The following MIPEP variants were observed in gnomAD, a reference collection of about 807,000 sequenced individuals.
The protein encoded by MIPEP is mitochondrial intermediate peptidase.
In MIPEP, 79 loss-of-function variants were observed where a neutral mutation model predicts 90.3. The observed-to-expected ratio is 0.87, with a 90% confidence interval of 0.73 to 1.05. The LOEUF (loss-of-function observed/expected upper bound fraction) is 1.05, where lower values mean the gene tolerates loss of function less well. Among genes scored for constraint, MIPEP ranks in the 50% least tolerant of loss-of-function variants. The pLI is 0.00. For missense variants in MIPEP, 940 were observed against 905.6 expected (o/e 1.04, Z -0.49); for synonymous variants, 334 against 315.8 (o/e 1.06, Z -0.61).
At chr13:23,847,536 A>G (rs1869601565) in intron 10 of MIPEP, among the ~76,000 whole-genome samples, 1 of 152,006 alleles carries the variant, frequency 6.6e-6, no homozygotes, top group Non-Finnish European at 1.5e-5. Context: ...AAATTACTGA[A>G]TTTCATGCTG....
intron 16 of MIPEP, among the ~76,000 whole-genome samples, chr13:23,798,580 C>T (rs1470570295): frequency 6.6e-6 from 1 of 152,154 alleles, no homozygotes; most frequent in Non-Finnish European, 1.5e-5. Flanking sequence ...AAATTGTAAT[C>T]CACAACATTG....
intron 18 of MIPEP, among the ~76,000 whole-genome samples, chr13:23,739,850 A>G (rs1593125918): frequency 6.6e-6 from 1 of 152,348 alleles, no homozygotes; most frequent in African/African-American, 2.4e-5. Context: ...TGTGTACTGG[A>G]GACAGCAGGC....
At chr13:23,836,188 A>C (rs894648345) in intron 14 of MIPEP, 52 bp downstream of exon 14, 18 of 1,190,974 alleles carry the variant, frequency 1.5e-5, no homozygotes, top group Admixed American at 7.2e-5. Flanking sequence ...GGATGTCATA[A>C]ACGCCAACTA....
At chr13:23,791,083 T>C (rs1461574767) in intron 16 of MIPEP, among the ~76,000 whole-genome samples, 3 of 152,166 alleles carry the variant, frequency 2.0e-5, no homozygotes, top group African/African-American at 7.2e-5. Context: ...CTTCCAAATG[T>C]TCACCAGGCC....
intron 10 of MIPEP, among the ~76,000 whole-genome samples, chr13:23,856,262 G>T (rs1187798772): frequency 6.6e-6 from 1 of 152,222 alleles, no homozygotes; most frequent in Non-Finnish European, 1.5e-5. Flanking sequence ...AAACCAGGGA[G>T]GCAATGGGAA....
At chr13:23,875,372 C>A in intron 4 of MIPEP, among the ~76,000 whole-genome samples, 1 of 152,080 alleles carries the variant, frequency 6.6e-6, no homozygotes, top group East Asian at 1.9e-4. Flanking sequence ...CAAAGGCCCT[C>A]TGCATGAGAT....
intron 10 of MIPEP, among the ~76,000 whole-genome samples, chr13:23,858,186 A>G (rs17079443): frequency 0.018 from 2,796 of 152,190 alleles, 87 homozygotes; most frequent in African/African-American, 0.064. Context: ...AAGTGTGTTC[A>G]CTGTGAAAAG....
In MIPEP at chr13:23,876,642, A is replaced by G. The variant is rs565897563; in HGVS notation, c.540-1733T>C. Among the ~76,000 whole-genome samples the G allele has an allele frequency of 7.0e-4, 106 of 152,228 alleles. 1 individual carries two copies. Among genetic ancestry groups the G allele is most frequent in the Non-Finnish European group, 1.2e-3 (84 of 68,022 alleles). ...TAATTTGAAAGGTCTCTTAACATAGATAATATATTAACTCTTTGTCATATC... is the reference window on the plus strand; with the variant it reads ...TAATTTGAAAGGTCTCTTAACATAGGTAATATATTAACTCTTTGTCATATC... On this transcript the variant is annotated intron_variant, in intron 4 of 18. Coordinates refer to ENST00000382172, the MANE Select transcript of MIPEP (RefSeq NM_005932.4).
chr13:23,841,490 T>C lies in MIPEP; in HGVS notation c.1107-2A>G, dbSNP rs1256860760. The C allele has an allele frequency of 2.0e-5, 32 of 1,598,108 alleles. No homozygotes were observed. Among genetic ancestry groups the C allele is most frequent in the Non-Finnish European group, 2.6e-5 (31 of 1,175,646 alleles). On this transcript the variant is annotated splice_acceptor_variant, in intron 10 of 18. Transcript: ENST00000382172. LOFTEE classifies it high-confidence loss of function. ...TATAGGCTGGGCTCAATATTATACC[T>C]AAGAGAAGGAAGAGAGGTTCAACAG...
chr13:23,875,480 C>T (rs1593205635), intron 4 of MIPEP, among the ~76,000 whole-genome samples: 1 of 149,692 alleles, frequency 6.7e-6, no homozygotes, highest in East Asian at 1.9e-4. Context: ...GAATTGTTTT[C>T]TTTCTTTTTA....
At chr13:23,869,930 T>C in intron 6 of MIPEP, 83 bp downstream of exon 6, 3 of 1,180,032 alleles carry the variant, frequency 2.5e-6, no homozygotes, top group Non-Finnish European at 3.5e-6. Flanking sequence ...AAGGATACTA[T>C]TATATTATCA....
intron 5 of MIPEP, 145 bp downstream of exon 5, chr13:23,874,701 A>T (rs1271192429): frequency 3.2e-6 from 2 of 634,626 alleles, no homozygotes; most frequent in Non-Finnish European, 5.2e-6. Context: ...AATACAATCT[A>T]AAGAAGAATT....
intron 16 of MIPEP, among the ~76,000 whole-genome samples, chr13:23,782,772 A>T (rs1952794362): frequency 6.6e-6 from 1 of 152,234 alleles, no homozygotes; most frequent in African/African-American, 2.4e-5. Context: ...GATAAAGGGG[A>T]TATCTCCACC....
intron 7 of MIPEP, among the ~76,000 whole-genome samples, chr13:23,867,768 T>G (rs1478910337): frequency 6.6e-6 from 1 of 152,134 alleles, no homozygotes; most frequent in Non-Finnish European, 1.5e-5. Context: ...AAACCATAAA[T>G]GTAGCATATG....
chr13:23,764,738 T>C (rs535295459), intron 16 of MIPEP, among the ~76,000 whole-genome samples: 1 of 152,108 alleles, frequency 6.6e-6, no homozygotes, highest in African/African-American at 2.4e-5. Flanking sequence ...TTAAAAAAAA[T>C]TTTTGTAGAG....
At chr13:23,740,379 G>A (rs956051426) in intron 18 of MIPEP, among the ~76,000 whole-genome samples, 10 of 151,504 alleles carry the variant, frequency 6.6e-5, no homozygotes, top group Admixed American at 2.0e-4. Context: ...AAGCCCCACC[G>A]AGCTGCTCTT....
rs1268957228 is a variant in MIPEP at position 23,816,845 on chromosome 13, T to TCCTC, written c.1654-6925_1654-6922dup. 3.3e-5 allele frequency among the ~76,000 whole-genome samples: 5 copies of TCCTC among 152,226 alleles called. No homozygotes were observed. The East Asian group carries it at 9.7e-4, about 29-fold the overall frequency. On this transcript the variant is annotated intron_variant, in intron 14 of 18. Transcript: ENST00000382172. ...AAATGGCCTACAAGTGAATGCAAAC[T>TCCTC]CCTCCAGTATCAGGGCCCTCAGATA...
chr13:23,883,357 A>G (rs1174015788), intron 2 of MIPEP, among the ~76,000 whole-genome samples: 2 of 152,244 alleles, frequency 1.3e-5, no homozygotes, highest in Non-Finnish European at 2.9e-5. Flanking sequence ...ATACTGATTA[A>G]GATGAAGACT....
At chr13:23,746,481 A>G (rs1333988779) in intron 18 of MIPEP, among the ~76,000 whole-genome samples, 3 of 151,778 alleles carry the variant, frequency 2.0e-5, no homozygotes, top group Non-Finnish European at 4.4e-5. Flanking sequence ...CAAAAATACA[A>G]AAATTAGCCA....
Sources: allele counts gnomAD v4.1 joint callset (sites outside exome capture counted in the v4.1 genomes callset), GRCh38; gene constraint gnomAD v4.1.1; transcripts MANE v1.5; gene names NCBI Gene and HGNC (gene_info 2026-07-23, HGNC 2026-07-21).